The following COL11A1 variants were observed in gnomAD, a reference collection of about 807,000 sequenced individuals.
The protein encoded by COL11A1 is collagen alpha-1(XI) chain.
A neutral mutation model predicts 265.2 loss-of-function variants in COL11A1; 74 were observed. The observed-to-expected ratio is 0.28, with a 90% CI of 0.23 to 0.34. COL11A1 has a LOEUF of 0.34. Ranked by LOEUF, COL11A1 falls within the 10% of genes least tolerant of loss-of-function variation. The probability of loss-of-function intolerance (pLI) is 1.00; values close to 1 mark genes in which losing one functional copy is unlikely to be tolerated. For missense variants in COL11A1, 2,165 were observed against 2,263.6 expected (o/e 0.96, Z 0.88); for synonymous variants, 816 against 727.6 (o/e 1.12, Z -1.96).
At chr1:102,880,612 CAT>C (rs1176555906) in intron 65 of COL11A1, among the ~76,000 whole-genome samples, 9 of 151,856 alleles carry the variant, frequency 5.9e-5, no homozygotes, top group African/African-American at 2.2e-4. Context: ...GCAACTGTCT[CAT>C]ATCATCTTTA....
At chr1:102,983,069 T>A (rs1425863908) in intron 31 of COL11A1, among the ~76,000 whole-genome samples, 3 of 152,060 alleles carry the variant, frequency 2.0e-5, no homozygotes, top group African/African-American at 7.2e-5. Context: ...ATAATCAACA[T>A]TTATATATTA....
chr1:103,005,977 C>T, intron 17 of COL11A1, 86 bp from the exon 18 acceptor site: 3 of 1,611,206 alleles, frequency 1.9e-6, no homozygotes, highest in Admixed American at 1.7e-5. Context: ...GCGAAATATT[C>T]TCTCAGATTC....
chr1:102,879,159 C>A (rs1465558388), intron 66 of COL11A1, among the ~76,000 whole-genome samples: 1 of 151,990 alleles, frequency 6.6e-6, no homozygotes, highest in Non-Finnish European at 1.5e-5. Context: ...TTATTATTTT[C>A]TTATGTAAAA....
Position 102,961,700 on chromosome 1 carries a change from G to A in COL11A1, c.3168+166C>T. On this transcript the variant is annotated intron_variant, in intron 41 of 66. Coordinates refer to ENST00000370096, the MANE Select transcript of COL11A1 (RefSeq NM_001854.4). ...CAATCATCCAAACCCTTCTGTTTCT[G>A]CATTCATTAGTGCATGCAATTAGTG... The A allele has an allele frequency of 6.2e-6, 4 of 641,756 alleles. No individual in the cohort carries two copies. The Admixed American group carries it at 6.8e-5, about 11-fold the overall frequency. The allele number at this position is 641,756 out of a possible 1,614,324, so 39.8% of individuals were successfully genotyped here.
intron 66 of COL11A1, 43 bp from the exon 67 acceptor site, chr1:102,878,208 T>A: frequency 6.5e-7 from 1 of 1,536,570 alleles, no homozygotes; most frequent in East Asian, 2.4e-5. Flanking sequence ...AATCTTTTAA[T>A]ATTTTTAAAT....
chr1:103,067,025 C>T (rs879382754), intron 4 of COL11A1, among the ~76,000 whole-genome samples: 27 of 150,984 alleles, frequency 1.8e-4, no homozygotes, highest in East Asian at 5.8e-4. Context: ...CAATACATGC[C>T]GCAAAAAATG....
chr1:103,055,145 A>C (rs1670141826), intron 4 of COL11A1, among the ~76,000 whole-genome samples: 1 of 152,210 alleles, frequency 6.6e-6, no homozygotes, highest in Non-Finnish European at 1.5e-5. Flanking sequence ...CAGAGTCAAC[A>C]TTGTTAACTA....
chr1:102,898,546 C>G (rs1224988486), intron 56 of COL11A1, 120 bp downstream of exon 56: 1 of 705,664 alleles, frequency 1.4e-6, no homozygotes, highest in African/African-American at 1.8e-5. Context: ...TACAGAATTC[C>G]CACAAAATTA....
intron 45 of COL11A1, 109 bp from the exon 46 acceptor site, chr1:102,934,665 T>C: frequency 1.1e-6 from 1 of 869,638 alleles, no homozygotes; most frequent in Non-Finnish European, 1.9e-6. Flanking sequence ...TATTTAAGAA[T>C]AACCAAGTAA....
Position 103,006,312 on chromosome 1 carries a change from G to C in COL11A1, c.1687C>G (p.Pro563Ala). The C allele has an allele frequency of 6.2e-7, 1 of 1,607,974 alleles. No homozygotes were observed. Among genetic ancestry groups the C allele is most frequent in the Non-Finnish European group, 8.5e-7 (1 of 1,176,818 alleles). The change falls in exon 16 of 67, where the codon CCT (proline) becomes GCT (alanine). Residue 563 changes from proline (P) to alanine (A), a missense_variant. By Grantham distance (27) the Pro-to-Ala change is conservative. Transcript: ENST00000370096. ...CCAGGGGGACCCTGGACGCCTCGAG[G>C]GCCCTATATCAAGACATCATAATTA... is the stretch of plus-strand genomic sequence containing the variant. The part of the protein sequence containing the change: ...GESGDPGPQG[P>A]RGVQGPPGPT...
intron 57 of COL11A1, among the ~76,000 whole-genome samples, chr1:102,897,338 C>A (rs1020210097): frequency 1.3e-5 from 2 of 151,586 alleles, no homozygotes; most frequent in African/African-American, 4.8e-5. Flanking sequence ...TAATACTCAC[C>A]ACACATACGA....
intron 4 of COL11A1, among the ~76,000 whole-genome samples, chr1:103,033,327 C>T (rs570930718): frequency 2.0e-5 from 3 of 150,368 alleles, no homozygotes; most frequent in African/African-American, 7.4e-5. Context: ...TCCATTACTG[C>T]CTTTTTTGAG....
intron 54 of COL11A1, among the ~76,000 whole-genome samples, chr1:102,904,100 T>G (rs780482147): frequency 8.5e-5 from 13 of 152,136 alleles, no homozygotes; most frequent in Non-Finnish European, 1.5e-4. Flanking sequence ...TGAGCTCAAG[T>G]GATCCTCTTG....
Position 102,902,839 on chromosome 1 carries a change from T to TAC in COL11A1, c.4087-3847_4087-3846dup, listed in dbSNP as rs576817406. Among the ~76,000 whole-genome samples, 18 of 149,920 alleles carry TAC rather than the reference T, an allele frequency of 1.2e-4. No homozygotes were observed. The South Asian group carries it at 2.3e-3, about 19-fold the overall frequency. On this transcript the variant is annotated intron_variant, in intron 54 of 66. Transcript: ENST00000370096. ...TTATATGTGTGTGCATATATATATATACACACACATAGTACATGCATATAC... is the reference window on the plus strand; with the variant it reads ...TTATATGTGTGTGCATATATATATATACACACACACATAGTACATGCATATAC...
rs753873853 is a variant in COL11A1, at chr1:103,010,561, C to T, written c.1629+1852G>A. On this transcript the variant is annotated intron_variant, in intron 14 of 66. Coordinates refer to ENST00000370096, the MANE Select transcript of COL11A1 (RefSeq NM_001854.4). ...AATGGTTGTTTAATGAAAATAAGAA[C>T]TGCTAATATAATGTGCCTCCCTTGT... 9.3e-4 allele frequency among the ~76,000 whole-genome samples: 142 copies of T among 152,266 alleles called. 1 individual carries two copies. Among genetic ancestry groups the T allele is most frequent in the Non-Finnish European group, 1.7e-3 (113 of 68,000 alleles).
In COL11A1 at chr1:102,878,146, T is replaced by C. The variant is rs1416391659; in HGVS notation, c.5294A>G (p.Lys1765Arg). Residue 1765 changes from lysine to arginine, a missense_variant, in exon 67 of 67, where the codon AAG (lysine) becomes AGG (arginine). By Grantham distance (26) the Lys-to-Arg change is conservative. Transcript: ENST00000370096. ...DGCASRKGYE[K>R]TVIEINTPKI... ...TGGTGTATTGATTTCAATGACAGTC[T>C]TTTCATAGCCTTTTCTGGACTGTAA... The C allele has an allele frequency of 6.2e-7, 1 of 1,612,590 alleles. No homozygotes were observed. The highest frequency in any genetic ancestry group is 1.7e-5 in the Admixed American group (1 of 59,908).
chr1:102,959,249 T>A (rs1054327365), intron 41 of COL11A1, among the ~76,000 whole-genome samples: 4 of 152,252 alleles, frequency 2.6e-5, no homozygotes, highest in African/African-American at 9.6e-5. Context: ...AGTAATTATA[T>A]GTTGTATTAG....
intron 54 of COL11A1, among the ~76,000 whole-genome samples, chr1:102,907,607 A>C (rs1654142443): frequency 6.6e-6 from 1 of 152,058 alleles, no homozygotes; most frequent in Non-Finnish European, 1.5e-5. Flanking sequence ...TATCTGTAAC[A>C]ATTCTGCATA....
In COL11A1 at chr1:103,048,687, T is replaced by G. The variant is rs372651646; in HGVS notation, c.652-17443A>C. 2.6e-5 allele frequency among the ~76,000 whole-genome samples: 4 copies of G among 152,294 alleles called. No individual in the cohort carries two copies. The South Asian group carries it at 8.3e-4, about 32-fold the overall frequency. On this transcript the variant is annotated intron_variant, in intron 4 of 66. Transcript: ENST00000370096. ...GCTTCTCTAGTTCTTTTAATTGTGA[T>G]GTTAGGGTGTCAATTTTGGATCTTT... is the stretch of plus-strand genomic sequence containing the variant.
Sources: gnomAD v4.1 joint callset for allele counts (sites outside exome capture counted in the v4.1 genomes callset) on GRCh38, gnomAD v4.1.1 for gene constraint, MANE v1.5 for transcripts, NCBI Gene and HGNC (gene_info 2026-07-23, HGNC 2026-07-21) for gene names.